The following RBFOX1 variants were observed in gnomAD, a reference collection of about 807,000 sequenced individuals.
RBFOX1 encodes the protein RNA binding protein fox-1 homolog 1.
In RBFOX1, 8 loss-of-function variants were observed where a neutral mutation model predicts 57.7. The ratio of observed to expected loss-of-function variants is 0.14; its 90% CI spans 0.08 to 0.25. RBFOX1 has a LOEUF of 0.25. Among genes scored for constraint, RBFOX1 ranks in the 10% least tolerant of loss-of-function variants. The pLI, the probability that RBFOX1 is intolerant of heterozygous loss-of-function variation, is 1.00. For synonymous variants in RBFOX1, 326 were observed against 222.4 expected, an observed-to-expected ratio of 1.47 and a Z score of -4.15; for missense variants, 611 against 548.5, an observed-to-expected ratio of 1.11 and a Z score of -1.14.
chr16:7,300,272 C>T (rs1000214426), intron 4 of RBFOX1, among the ~76,000 whole-genome samples: 6 of 152,038 alleles, frequency 3.9e-5, no homozygotes, highest in Admixed American at 3.3e-4. Flanking sequence ...TTTGTTTGTC[C>T]GGCCCCACTG....
intron 3 of RBFOX1, among the ~76,000 whole-genome samples, chr16:5,666,939 C>A (rs990909135): frequency 1.3e-5 from 2 of 152,180 alleles, no homozygotes; most frequent in African/African-American, 4.8e-5. Flanking sequence ...TTCATTCTAT[C>A]TGCTACCAGA....
At chr16:5,739,749 C>T (rs151073279) in intron 3 of RBFOX1, among the ~76,000 whole-genome samples, 5 of 152,342 alleles carry the variant, frequency 3.3e-5, no homozygotes, top group African/African-American at 1.2e-4. Flanking sequence ...GTTGTAGAAG[C>T]AGAGAGCAGG....
At chr16:7,100,090 T>A (rs1957842426) in intron 4 of RBFOX1, among the ~76,000 whole-genome samples, 1 of 152,004 alleles carries the variant, frequency 6.6e-6, no homozygotes. Flanking sequence ...AAATTTTATT[T>A]TTGATTTACA....
intron 4 of RBFOX1, among the ~76,000 whole-genome samples, chr16:5,938,474 C>G (rs1329064561): frequency 1.3e-5 from 2 of 152,194 alleles, no homozygotes; most frequent in African/African-American, 4.8e-5. Context: ...TTAAAATAAA[C>G]TCAGTCTCCG....
At chr16:7,493,944 A>T (rs922689956) in intron 4 of RBFOX1, among the ~76,000 whole-genome samples, 9 of 152,216 alleles carry the variant, frequency 5.9e-5, no homozygotes, top group Admixed American at 3.3e-4. Flanking sequence ...TGCATTCTCA[A>T]ATAGAAAGTC....
chr16:5,520,813 A>T lies in RBFOX1; in HGVS notation c.258+53559A>T, dbSNP rs893994248. The stretch of plus-strand genomic sequence containing the variant: ...GATGACAGTTTGGCTATCTGAGCAG[A>T]AGTCTAAATGCAGTTATGTGCTTAG... On this transcript the variant is annotated intron_variant, in intron 2 of 2. Transcript: ENST00000585867. 5.3e-5 allele frequency among the ~76,000 whole-genome samples: 8 copies of T among 152,198 alleles called. No individual in the cohort carries two copies. The South Asian group carries it at 6.2e-4, about 12-fold the overall frequency.
intron 4 of RBFOX1, among the ~76,000 whole-genome samples, chr16:5,951,693 C>T (rs962938536): frequency 9.9e-5 from 15 of 152,082 alleles, no homozygotes; most frequent in African/African-American, 3.4e-4. Context: ...TCCCCTGACT[C>T]ATCTTCACAG....
chr16:7,686,170 G>A (rs1004378268), intron 14 of RBFOX1, among the ~76,000 whole-genome samples: 4 of 151,344 alleles, frequency 2.6e-5, no homozygotes, highest in Admixed American at 6.6e-5. Flanking sequence ...TGGGATTATC[G>A]TGTTCTGTTC....
At chr16:5,570,717 G>C (rs2046252215) in intron 2 of RBFOX1, among the ~76,000 whole-genome samples, 1 of 151,898 alleles carries the variant, frequency 6.6e-6, no homozygotes, top group African/African-American at 2.4e-5. Context: ...GTGCGCACCT[G>C]TAATCCCAGT....
At chr16:6,544,551 G>A (rs965129854) in intron 2 of RBFOX1, among the ~76,000 whole-genome samples, 2 of 152,168 alleles carry the variant, frequency 1.3e-5, no homozygotes, top group African/African-American at 4.8e-5. Context: ...GCAACTCTTG[G>A]TATTGTTTTC....
intron 1 of RBFOX1, among the ~76,000 whole-genome samples, chr16:6,103,651 G>C (rs1394607658): frequency 6.6e-6 from 1 of 152,102 alleles, no homozygotes; most frequent in African/African-American, 2.4e-5. Flanking sequence ...ATCCAACCAA[G>C]AGACAGAAGC....
At chr16:6,022,141 C>T (rs530073897) in intron 1 of RBFOX1, among the ~76,000 whole-genome samples, 1 of 152,130 alleles carries the variant, frequency 6.6e-6, no homozygotes. Flanking sequence ...GACTTGCTGT[C>T]TTGACAAGCA....
chr16:7,094,744 C>CTGTG (rs370249382), intron 4 of RBFOX1, among the ~76,000 whole-genome samples: 19,515 of 139,258 alleles, frequency 0.14, 1,645 homozygotes, highest in East Asian at 0.3. Flanking sequence ...GACTGTACAG[C>CTGTG]TGTGTGTGTG....
chr16:6,664,216 G>A (rs1002540364), intron 3 of RBFOX1, among the ~76,000 whole-genome samples: 2 of 152,134 alleles, frequency 1.3e-5, no homozygotes, highest in African/African-American at 4.8e-5. Context: ...GCTTTTTGCT[G>A]TGTCGCTTGG....
intron 2 of RBFOX1, among the ~76,000 whole-genome samples, chr16:6,564,129 C>G (rs529370117): frequency 6.6e-6 from 1 of 152,200 alleles, no homozygotes; most frequent in African/African-American, 2.4e-5. Flanking sequence ...GTTCTAGGCT[C>G]TTTAATTTTC....
At chr16:6,194,739 C>A (rs1426892491) in intron 1 of RBFOX1, among the ~76,000 whole-genome samples, 1 of 152,184 alleles carries the variant, frequency 6.6e-6, no homozygotes, top group Non-Finnish European at 1.5e-5. Context: ...CCCTATACAT[C>A]TATCTTGATG....
At position 7,111,503 on chromosome 16, in the gene RBFOX1, C is replaced by T. The variant is rs374865815; in HGVS notation, c.27+59405C>T. Among the ~76,000 whole-genome samples the T allele has an allele frequency of 2.6e-4, 40 of 152,194 alleles. 1 individual carries two copies. The South Asian group carries it at 8.3e-3, about 32-fold the overall frequency. On this transcript the variant is annotated intron_variant, in intron 4 of 15. Coordinates refer to ENST00000550418, the MANE Select transcript of RBFOX1 (RefSeq NM_018723.4). ...AATGAGTGCAGTGTGGAATACAGTT[C>T]TGCTGTTGGGGGAAGGGTGGTGAGA... is the stretch of plus-strand genomic sequence containing the variant.
At chr16:7,200,167 G>C (rs2087961397) in intron 4 of RBFOX1, among the ~76,000 whole-genome samples, 2 of 152,176 alleles carry the variant, frequency 1.3e-5, no homozygotes, top group African/African-American at 2.4e-5. Context: ...CCTCCACCTG[G>C]AATATAATGC....
chr16:7,444,762 G>A (rs142313944), intron 4 of RBFOX1, among the ~76,000 whole-genome samples: 1 of 152,132 alleles, frequency 6.6e-6, no homozygotes, highest in Non-Finnish European at 1.5e-5. Flanking sequence ...GAACCCCTGG[G>A]CTCAAGTGAT....
Sources: gnomAD v4.1 joint callset for allele counts (sites outside exome capture counted in the v4.1 genomes callset) on GRCh38, gnomAD v4.1.1 for gene constraint, MANE v1.5 for transcripts, NCBI Gene and HGNC (gene_info 2026-07-23, HGNC 2026-07-21) for gene names.